Variants in TRAPPC8 observed in about 807,000 individuals in gnomAD.
The protein encoded by TRAPPC8 is general sporulation gene 1 homolog.
Under a neutral mutation model 174.3 loss-of-function variants are expected in TRAPPC8, and 54 were observed. The observed-to-expected ratio is 0.31, with a 90% CI of 0.25 to 0.39. TRAPPC8 has a LOEUF of 0.39. Ranked by LOEUF, TRAPPC8 falls within the 10% of genes least tolerant of loss-of-function variation. TRAPPC8 has a pLI of 1.00. For synonymous variants in TRAPPC8, 630 were observed against 579.9 expected (o/e 1.09, Z -1.24); for missense variants, 1,531 against 1,699.1 (o/e 0.90, Z 1.74).
chr18:31,859,343 A>G (rs1380986831), intron 19 of TRAPPC8, among the ~76,000 whole-genome samples: 1 of 152,218 alleles, frequency 6.6e-6, no homozygotes, highest in Non-Finnish European at 1.5e-5. Flanking sequence ...TTAAAAATAA[A>G]TGAGAAAACA....
At chr18:31,901,115 GTTTTT>G in intron 9 of TRAPPC8, 90 bp from the exon 10 acceptor site, 1 of 968,118 alleles carries the variant, frequency 1.0e-6, no homozygotes, top group African/African-American at 1.7e-5. Context: ...GAAATTTGCT[GTTTTT>G]TTTTTAACTG....
At chr18:31,933,796 A>C (rs1334505528) in intron 1 of TRAPPC8, among the ~76,000 whole-genome samples, 1 of 141,252 alleles carries the variant, frequency 7.1e-6, no homozygotes, top group Non-Finnish European at 1.6e-5. Context: ...GATTTCTAAC[A>C]TTTTTTACTA....
At chr18:31,920,079 T>C (rs1260594192) in intron 2 of TRAPPC8, among the ~76,000 whole-genome samples, 1 of 151,998 alleles carries the variant, frequency 6.6e-6, no homozygotes, top group Non-Finnish European at 1.5e-5. Flanking sequence ...GATAAGAAAA[T>C]AAGAAATACA....
At chr18:31,838,565 T>C (rs967780407) in intron 27 of TRAPPC8, among the ~76,000 whole-genome samples, 1 of 152,194 alleles carries the variant, frequency 6.6e-6, no homozygotes, top group Non-Finnish European at 1.5e-5. Context: ...ACGCGGTATC[T>C]TTACTTTCTT....
chr18:31,874,795 GTAAC>G (rs1220973496), intron 12 of TRAPPC8, 91 bp from the exon 13 acceptor site: 5 of 1,056,594 alleles, frequency 4.7e-6, no homozygotes, highest in Non-Finnish European at 6.8e-6. Context: ...AAACAATTAA[GTAAC>G]TGGTTCTTCC....
chr18:31,846,895 A>G, intron 25 of TRAPPC8, 78 bp from the exon 26 acceptor site: 1 of 1,020,410 alleles, frequency 9.8e-7, no homozygotes, highest in Non-Finnish European at 1.5e-6. Flanking sequence ...CTTGATAGAA[A>G]GTGGAAATAA....
intron 1 of TRAPPC8, among the ~76,000 whole-genome samples, chr18:31,936,498 G>A (rs907864129): frequency 1.5e-4 from 23 of 151,962 alleles, no homozygotes; most frequent in African/African-American, 4.6e-4. Flanking sequence ...AACAAATTTC[G>A]AAAAACTGAC....
Position 31,850,022 on chromosome 18 carries a change from A to G in TRAPPC8, c.3562-283T>C, listed in dbSNP as rs181538545. Among the ~76,000 whole-genome samples the G allele has an allele frequency of 7.2e-5, 11 of 151,744 alleles. No homozygotes were observed. In the East Asian group the frequency reaches 2.1e-3, roughly 29 times the overall value. On this transcript the variant is annotated intron_variant, in intron 24 of 28. Transcript: ENST00000283351. ...GGCTGGAGTGCAGTGGTGCAATCTC[A>G]GCTCACTGCAACCTCTACCTCCTGG...
At position 31,867,472 on chromosome 18, in the gene TRAPPC8, G is replaced by A; in HGVS notation, c.2393C>T (p.Thr798Ile). The stretch of plus-strand genomic sequence containing the variant: ...AGCTCCAATCATTTCAGGTTCACTT[G>A]TAACCTAAAAAATAAATTTCATAAA... ...KDNEEVKQLV[T>I]SEPEMIGAEV... Residue 798 changes from threonine to isoleucine, a missense_variant, in exon 17 of 29, where the codon ACA (threonine) becomes ATA (isoleucine). Transcript: ENST00000283351. The A allele has an allele frequency of 6.3e-7, 1 of 1,597,176 alleles. No homozygotes were observed.
intron 12 of TRAPPC8, among the ~76,000 whole-genome samples, chr18:31,878,904 A>G (rs987790073): frequency 1.3e-5 from 2 of 152,196 alleles, no homozygotes; most frequent in Non-Finnish European, 2.9e-5. Context: ...AATGATAAAG[A>G]GTTCAATTCA....
chr18:31,871,698 ATC>A (rs1489341941), intron 14 of TRAPPC8, among the ~76,000 whole-genome samples: 3 of 152,200 alleles, frequency 2.0e-5, no homozygotes, highest in Non-Finnish European at 2.9e-5. Flanking sequence ...TTCACTCAGC[ATC>A]AAGTTGTGGG....
Position 31,846,045 on chromosome 18 carries a change from G to C in TRAPPC8, c.3837+671C>G, listed in dbSNP as rs188798258. Among the ~76,000 whole-genome samples the C allele has an allele frequency of 4.6e-5, 7 of 152,198 alleles. No homozygotes were observed. The East Asian group carries it at 5.8e-4, about 13-fold the overall frequency. On this transcript the variant is annotated intron_variant, in intron 26 of 28. Coordinates refer to ENST00000283351, the MANE Select transcript of TRAPPC8 (RefSeq NM_014939.5). The stretch of plus-strand genomic sequence containing the variant: ...CCTCGGAGCTCTGCAATGATATCCT[G>C]TTATAACAAATAAGAAAATATAGAG...
intron 16 of TRAPPC8, 121 bp from the exon 17 acceptor site, chr18:31,867,597 T>TATACACCG: frequency 1.6e-6 from 1 of 641,132 alleles, no homozygotes; most frequent in Non-Finnish European, 2.6e-6. Context: ...ACTTGGTTTT[T>TATACACCG]ACCACATGCT....
Position 31,916,285 on chromosome 18 carries a change from C to A in TRAPPC8, c.604G>T (p.Gly202Ter). The A allele has an allele frequency of 6.5e-7, 1 of 1,550,220 alleles. No homozygotes were observed. The highest frequency in any genetic ancestry group is 8.7e-7 in the Non-Finnish European group (1 of 1,152,014). Residue 202 changes from glycine (G) to a stop codon, truncating the protein, a stop_gained, in exon 4 of 29, where the codon GGA becomes TGA. Coordinates refer to ENST00000283351, the MANE Select transcript of TRAPPC8 (RefSeq NM_014939.5). LOFTEE classifies it high-confidence loss of function. ...YYVLLHDVSA[G>*]DEQRAESIYE... is the part of the protein sequence containing the mutation. ...ATAAAAACTTACCTCTGTTCATCTC[C>A]TGCACTTACATCATGTAAAAGTACA...
intron 2 of TRAPPC8, among the ~76,000 whole-genome samples, chr18:31,919,585 T>TAAAAA (rs1555679123): frequency 1.5e-5 from 1 of 65,374 alleles, no homozygotes; most frequent in African/African-American, 5.0e-5. Flanking sequence ...AATAAATAAA[T>TAAAAA]AAATAAAATA....
At chr18:31,884,656 T>C (rs2035616175) in intron 12 of TRAPPC8, among the ~76,000 whole-genome samples, 1 of 152,150 alleles carries the variant, frequency 6.6e-6, no homozygotes, top group South Asian at 2.1e-4. Context: ...GTTTCCACTG[T>C]CCTCCACACG....
intron 9 of TRAPPC8, 90 bp from the exon 10 acceptor site, chr18:31,901,115 GT>G (rs3833187): frequency 1.4e-3 from 1,332 of 963,380 alleles, no homozygotes; most frequent in Non-Finnish European, 1.5e-3. Flanking sequence ...GAAATTTGCT[GT>G]TTTTTTTTTA....
At chr18:31,838,497 G>GT (rs1439747384) in intron 27 of TRAPPC8, among the ~76,000 whole-genome samples, 4 of 152,118 alleles carry the variant, frequency 2.6e-5, no homozygotes, top group Non-Finnish European at 5.9e-5. Context: ...ATCGTACCTA[G>GT]TAAGAACAGA....
Position 31,875,197 on chromosome 18 carries a change from C to G in TRAPPC8, c.1729-493G>C, listed in dbSNP as rs146886232. Among the ~76,000 whole-genome samples, 876 of 152,090 alleles carry G rather than the reference C, an allele frequency of 5.8e-3. 11 individuals are homozygous for G. Among genetic ancestry groups the G allele is most frequent in the Non-Finnish European group, 9.3e-3 (629 of 67,996 alleles). ...AGCATGCTATGTCTACAAAGAGTTT[C>G]TCCATATTAAGTAAAACAATAAACA... On this transcript the variant is annotated intron_variant, in intron 12 of 28. Coordinates refer to ENST00000283351, the MANE Select transcript of TRAPPC8 (RefSeq NM_014939.5).
Sources: allele counts gnomAD v4.1 joint callset (sites outside exome capture counted in the v4.1 genomes callset), GRCh38; gene constraint gnomAD v4.1.1; transcripts MANE v1.5; gene names NCBI Gene and HGNC (gene_info 2026-07-23, HGNC 2026-07-21).